PAQR5: variants seen among roughly 807,000 people sequenced by gnomAD.
The protein encoded by PAQR5 is membrane progestin receptor gamma.
PAQR5 carries 20 observed loss-of-function variants against 34.5 expected under a neutral mutation model. The ratio of observed to expected loss-of-function variants is 0.58; its 90% CI spans 0.41 to 0.84. PAQR5 has a LOEUF of 0.84. Ranked by LOEUF, PAQR5 falls within the 40% of genes least tolerant of loss-of-function variation. The pLI is 0.00. For synonymous variants in PAQR5, 131 were observed against 155.6 expected, an observed-to-expected ratio of 0.84 and a Z score of 1.18; for missense variants, 378 against 412.7, an observed-to-expected ratio of 0.92 and a Z score of 0.73.
chr15:69,303,568 A>T (rs962938932), intron 1 of PAQR5, among the ~76,000 whole-genome samples: 5 of 151,530 alleles, frequency 3.3e-5, no homozygotes, highest in African/African-American at 9.7e-5. Context: ...ATTAAAAAAA[A>T]AAAAAGCACA....
chr15:69,371,387 A>G (rs897094163), intron 3 of PAQR5, among the ~76,000 whole-genome samples: 1 of 152,194 alleles, frequency 6.6e-6, no homozygotes, highest in Non-Finnish European at 1.5e-5. Flanking sequence ...AATTATATTA[A>G]GCAGAAAAAT....
At position 69,397,531 on chromosome 15, in the gene PAQR5, G is replaced by A. The variant is rs767902377; in HGVS notation, c.576G>A (p.Pro192=). ...TTCGTGTCCTCGCCTTTGCTTATCCGTACACCTGGGACTCCCTCCCCATCT... is the reference window on the plus strand; with the variant it reads ...TTCGTGTCCTCGCCTTTGCTTATCCATACACCTGGGACTCCCTCCCCATCT... The part of the protein sequence containing the change: ...KVIRVLAFAY[P]YTWDSLPIFY... The change falls in exon 7 of 9, where the codon CCG becomes CCA. Residue 192 remains proline (P), a synonymous_variant. Coordinates refer to ENST00000395407, the MANE Select transcript of PAQR5 (RefSeq NM_017705.4). 2.4e-5 allele frequency: 38 copies of A among 1,612,780 alleles called. No individual in the cohort carries two copies. Among genetic ancestry groups the A allele is most frequent in the Middle Eastern group, 1.6e-4 (1 of 6,084 alleles).
chr15:69,405,417 G>A lies in PAQR5; in HGVS notation c.*1595G>A, dbSNP rs2202380. On this transcript the variant is annotated 3_prime_UTR_variant, in exon 9 of 9. Coordinates refer to ENST00000395407, the MANE Select transcript of PAQR5 (RefSeq NM_017705.4). ...GAGAGTGGTCAAGAAATATGATTTC[G>A]TTAGTTTTATTATCTGTTTACTTCC... 156,969 of 157,502 alleles carry A rather than the reference G, an allele frequency of 1. 78,219 individuals are homozygous for A. The highest frequency in any genetic ancestry group is 1 in the Middle Eastern group (318 of 318). 9.8% of individuals were successfully genotyped at this position (157,502 alleles called of 1,614,324 possible). A position where few individuals can be genotyped will look rare whatever the true frequency, so the allele number is the denominator to read the frequency against.
At chr15:69,310,073 G>T (rs1398825269) in intron 1 of PAQR5, among the ~76,000 whole-genome samples, 1 of 151,274 alleles carries the variant, frequency 6.6e-6, no homozygotes, top group Non-Finnish European at 1.5e-5. Context: ...AAAACAAAAC[G>T]AAACAACAAC....
chr15:69,383,316 T>C (rs540344133), intron 4 of PAQR5, among the ~76,000 whole-genome samples: 17 of 148,638 alleles, frequency 1.1e-4, no homozygotes, highest in African/African-American at 4.2e-4. Flanking sequence ...GTGCTCATGG[T>C]GGAGGGTGAG....
chr15:69,371,120 C>A (rs2055548950), intron 3 of PAQR5, among the ~76,000 whole-genome samples: 1 of 151,882 alleles, frequency 6.6e-6, no homozygotes, highest in East Asian at 1.9e-4. Context: ...TAAATTAAAC[C>A]ACTATTCCTG....
intron 8 of PAQR5, among the ~76,000 whole-genome samples, chr15:69,402,605 C>T (rs569279460): frequency 3.3e-5 from 5 of 152,336 alleles, no homozygotes; most frequent in Admixed American, 2.0e-4. Context: ...CGTGAACCAC[C>T]GCGCCTGGCC....
At chr15:69,387,360 G>A (rs1052842309) in intron 5 of PAQR5, among the ~76,000 whole-genome samples, 3 of 152,238 alleles carry the variant, frequency 2.0e-5, no homozygotes, top group African/African-American at 7.2e-5. Flanking sequence ...TCCAGGTGCT[G>A]GCACCTGATT....
chr15:69,386,935 C>G lies in PAQR5; in HGVS notation c.385+2053C>G, dbSNP rs557221724. On this transcript the variant is annotated intron_variant, in intron 5 of 8. Coordinates refer to ENST00000395407, the MANE Select transcript of PAQR5 (RefSeq NM_017705.4). ...CCTACTCCTTCTCCTGAGTCAGAAG[C>G]CTGACTAATCCTCGGGGTCCCCTTC... Among the ~76,000 whole-genome samples, 16 of 152,260 alleles carry G rather than the reference C, an allele frequency of 1.1e-4. 1 individual carries two copies. The East Asian group carries it at 3.1e-3, about 30-fold the overall frequency.
intron 3 of PAQR5, among the ~76,000 whole-genome samples, chr15:69,377,785 C>T (rs571046857): frequency 2.8e-4 from 43 of 152,240 alleles, no homozygotes; most frequent in African/African-American, 1.0e-3. Context: ...CTCTGGCAGC[C>T]CCTCACCTTC....
Position 69,318,769 on chromosome 15 carries a change from G to C in PAQR5, c.-276-18572G>C, listed in dbSNP as rs555341238. Among the ~76,000 whole-genome samples the C allele has an allele frequency of 1.4e-4, 21 of 152,016 alleles. No homozygotes were observed. The Middle Eastern group carries it at 0.01, about 74-fold the overall frequency. ...TATACATACCTATGGTAAAGAGTAA[G>C]TTATAAATTAGTAAGGATTAACCAC... On this transcript the variant is annotated intron_variant, in intron 1 of 8. Transcript: ENST00000395407.
intron 3 of PAQR5, among the ~76,000 whole-genome samples, chr15:69,361,454 G>A (rs1014934755): frequency 6.6e-6 from 1 of 152,168 alleles, no homozygotes; most frequent in African/African-American, 2.4e-5. Context: ...TCCATCACGA[G>A]GGAGTGTATT....
chr15:69,367,535 C>T (rs1447659795), intron 3 of PAQR5, among the ~76,000 whole-genome samples: 2 of 152,146 alleles, frequency 1.3e-5, no homozygotes, highest in Non-Finnish European at 2.9e-5. Context: ...TCCTGGCTGC[C>T]CCCTCTGCAA....
At chr15:69,382,204 G>T (rs573293269) in intron 4 of PAQR5, among the ~76,000 whole-genome samples, 2 of 152,198 alleles carry the variant, frequency 1.3e-5, no homozygotes, top group South Asian at 2.1e-4. Context: ...CCTACAAGAG[G>T]GACATAGACA....
intron 4 of PAQR5, 63 bp downstream of exon 4, chr15:69,380,073 A>C (rs2055841148): frequency 1.3e-6 from 2 of 1,569,492 alleles, no homozygotes; most frequent in Non-Finnish European, 1.7e-6. Flanking sequence ...AGGGTGTCTT[A>C]AAACATGGCT....
chr15:69,334,673 T>C (rs2054470086), intron 1 of PAQR5, among the ~76,000 whole-genome samples: 7 of 152,216 alleles, frequency 4.6e-5, no homozygotes. Context: ...TTGTAATATG[T>C]AGTTGAGACC....
Position 69,379,894 on chromosome 15 carries a change from G to A in PAQR5, c.63G>A (p.Glu21=), listed in dbSNP as rs1281235736. The A allele has an allele frequency of 1.2e-6, 2 of 1,613,778 alleles. No individual in the cohort carries two copies. Among genetic ancestry groups the A allele is most frequent in the African/African-American group, 1.3e-5 (1 of 74,938 alleles). ...SIDQIPQVFH[E]QGILFGYRHP... ...CTTTGCCTCTGCAGGTGTTCCATGA[G>A]CAAGGCATCCTGTTCGGCTACCGCC... Residue 21 remains glutamate, a synonymous_variant, in exon 4 of 9, where the codon GAG becomes GAA. Coordinates refer to ENST00000395407, the MANE Select transcript of PAQR5 (RefSeq NM_017705.4).
intron 1 of PAQR5, among the ~76,000 whole-genome samples, chr15:69,333,639 A>G (rs527588907): frequency 1.3e-5 from 2 of 152,198 alleles, no homozygotes; most frequent in Non-Finnish European, 2.9e-5. Flanking sequence ...GTCTTCTCCC[A>G]CAGTATTTCC....
chr15:69,320,340 C>T (rs2054064726), intron 1 of PAQR5, among the ~76,000 whole-genome samples: 1 of 152,200 alleles, frequency 6.6e-6, no homozygotes, highest in South Asian at 2.1e-4. Flanking sequence ...GGTCCCCTTC[C>T]CCTCCCCTGA....
Sources: allele counts gnomAD v4.1 joint callset (sites outside exome capture counted in the v4.1 genomes callset), GRCh38; gene constraint gnomAD v4.1.1; transcripts MANE v1.5; gene names NCBI Gene and HGNC (gene_info 2026-07-23, HGNC 2026-07-21).